The following CREB5 variants were observed in gnomAD, a reference collection of about 807,000 sequenced individuals.
CREB5 encodes the protein cAMP responsive element binding protein 5, also known as cyclic AMP-responsive element-binding protein 5.
In CREB5, 19 loss-of-function variants were observed where a neutral mutation model predicts 57.1. That is an observed-to-expected ratio of 0.33 (90% CI 0.23 to 0.49). CREB5 has a LOEUF of 0.49. CREB5 is among the 20% of genes least tolerant of loss of function. The pLI, the probability that CREB5 is intolerant of heterozygous loss-of-function variation, is 0.99. For missense variants in CREB5, 579 were observed against 671.6 expected (o/e 0.86, Z 1.52); for synonymous variants, 238 against 238.3 (o/e 1.00, Z 0.01).
In CREB5 at chr7:28,809,226, A is replaced by G; in HGVS notation, c.1066A>G (p.Ile356Val). The stretch of plus-strand genomic sequence containing the variant: ...ACAACAGATGCAGCCAACCCAGACA[A>G]TACAGCCACCCCAGCCCACAGGGGG... Reference protein sequence around the residue: ...ATQQMQPTQTIQPPQPTGGRR... With the variant: ...ATQQMQPTQTVQPPQPTGGRR... The change falls in exon 9 of 11, where the codon ATA becomes GTA. Residue 356 changes from isoleucine to valine, a missense_variant. Around this residue, in one of 3 missense-constraint regions of CREB5, gnomAD observed 459 missense variants for 515.7 expected, o/e 0.89. Transcript: ENST00000357727. The G allele has an allele frequency of 1.2e-6, 2 of 1,614,070 alleles. No homozygotes were observed. The highest frequency in any genetic ancestry group is 1.7e-6 in the Non-Finnish European group (2 of 1,179,976).
chr7:28,367,181 C>T (rs967342443), intron 1 of CREB5, among the ~76,000 whole-genome samples: 1 of 125,962 alleles, frequency 7.9e-6, no homozygotes, highest in African/African-American at 2.7e-5. Flanking sequence ...CCTGGGTCCC[C>T]ATCCATCTCC....
chr7:28,726,515 A>G (rs1301041197), intron 7 of CREB5, among the ~76,000 whole-genome samples: 1 of 152,132 alleles, frequency 6.6e-6, no homozygotes, highest in East Asian at 1.9e-4. Context: ...TACGAAATAC[A>G]AAGTAGTGAA....
intron 5 of CREB5, among the ~76,000 whole-genome samples, chr7:28,685,694 T>A (rs879454630): frequency 5.3e-4 from 81 of 151,638 alleles, no homozygotes; most frequent in Non-Finnish European, 9.7e-4. Context: ...AACCAGTATT[T>A]TTTTTTTGTT....
rs1292776759 is a variant in CREB5, at chr7:28,823,340, A to ATATT, written c.*4066_*4069dup. 1 of 152,660 alleles carries ATATT rather than the reference A, an allele frequency of 6.6e-6. No individual in the cohort carries two copies. The highest frequency in any genetic ancestry group is 1.5e-5 in the Non-Finnish European group (1 of 68,042). The allele number at this position is 152,660 out of a possible 1,614,324, so 9.5% of individuals were successfully genotyped here. On this transcript the variant is annotated 3_prime_UTR_variant, in exon 11 of 11. Coordinates refer to ENST00000357727, the MANE Select transcript of CREB5 (RefSeq NM_182898.4). ...ATCTATTAATTTAGAATTTTATAAG[A>ATATT]TATTTATTAATAAATGTTATTTTTA...
intron 1 of CREB5, among the ~76,000 whole-genome samples, chr7:28,441,362 C>G (rs562801172): frequency 1.3e-5 from 2 of 152,310 alleles, no homozygotes; most frequent in South Asian, 4.1e-4. Context: ...TCTGGTGGCT[C>G]TCCACATGGA....
chr7:28,598,891 T>A (rs1167557422), intron 5 of CREB5, among the ~76,000 whole-genome samples: 1 of 152,240 alleles, frequency 6.6e-6, no homozygotes, highest in Non-Finnish European at 1.5e-5. Context: ...CTTTCATTTT[T>A]AAACAAGGGA....
At chr7:28,408,391 T>C (rs992183470), upstream of CREB5, among the ~76,000 whole-genome samples, 2 of 152,300 alleles carry the variant, frequency 1.3e-5, no homozygotes, top group East Asian at 1.9e-4. Flanking sequence ...AAGGGAGAAC[T>C]TCTGAAAGGA....
intron 7 of CREB5, among the ~76,000 whole-genome samples, chr7:28,743,862 T>TA (rs1554294513): frequency 3.6e-5 from 5 of 137,474 alleles, no homozygotes; most frequent in Admixed American, 7.4e-5. Context: ...TTTTTTTTTT[T>TA]ATTATACTCT....
At chr7:28,404,193 A>G (rs1787531416) in intron 1 of CREB5, among the ~76,000 whole-genome samples, 1 of 152,180 alleles carries the variant, frequency 6.6e-6, no homozygotes, top group African/African-American at 2.4e-5. Context: ...AAAAAGAACT[A>G]TGGGCCGCCC....
intron 4 of CREB5, chr7:28,513,521 C>T (rs1356730825): frequency 6.6e-6 from 1 of 151,210 alleles, no homozygotes; most frequent in Non-Finnish European, 1.5e-5. Context: ...CCTCTTTCTT[C>T]CACCACCCCA....
intron 5 of CREB5, among the ~76,000 whole-genome samples, chr7:28,590,004 C>G (rs1439810142): frequency 1.3e-5 from 2 of 152,124 alleles, no homozygotes; most frequent in East Asian, 3.9e-4. Flanking sequence ...ATCATAAAAC[C>G]CAAACTGAAA....
chr7:28,790,558 A>T (rs1807640538), intron 7 of CREB5, among the ~76,000 whole-genome samples: 1 of 152,232 alleles, frequency 6.6e-6, no homozygotes, highest in Non-Finnish European at 1.5e-5. Flanking sequence ...CAGTACCAAG[A>T]AAAACAATCC....
chr7:28,545,177 A>C (rs138639606), intron 4 of CREB5, among the ~76,000 whole-genome samples: 24 of 152,340 alleles, frequency 1.6e-4, no homozygotes, highest in African/African-American at 5.8e-4. Flanking sequence ...TAAAAATAAA[A>C]TCTAAGAATT....
At chr7:28,392,255 G>T (rs930161964) in intron 1 of CREB5, among the ~76,000 whole-genome samples, 1 of 152,002 alleles carries the variant, frequency 6.6e-6, no homozygotes, top group Non-Finnish European at 1.5e-5. Flanking sequence ...AACCTGCACA[G>T]GTACCCCTGA....
At chr7:28,677,442 G>A (rs886528118) in intron 5 of CREB5, among the ~76,000 whole-genome samples, 1 of 152,186 alleles carries the variant, frequency 6.6e-6, no homozygotes, top group African/African-American at 2.4e-5. Flanking sequence ...ACTGACTGAT[G>A]TTTGCTGGTT....
intron 1 of CREB5, among the ~76,000 whole-genome samples, chr7:28,351,470 C>T (rs191217289): frequency 6.6e-6 from 1 of 152,286 alleles, no homozygotes; most frequent in African/African-American, 2.4e-5. Flanking sequence ...ATCAGACTGT[C>T]TCTTGTGTTC....
intron 1 of CREB5, among the ~76,000 whole-genome samples, chr7:28,372,811 A>G (rs1421526051): frequency 6.6e-6 from 1 of 152,188 alleles, no homozygotes; most frequent in Non-Finnish European, 1.5e-5. Flanking sequence ...CCTATTATCA[A>G]ACTGAGGACC....
chr7:28,791,852 T>C (rs2128791812), intron 7 of CREB5, among the ~76,000 whole-genome samples: 1 of 152,342 alleles, frequency 6.6e-6, no homozygotes, highest in Non-Finnish European at 1.5e-5. Flanking sequence ...TTTAAGGAGA[T>C]GGTTCCACAC....
chr7:28,555,521 G>A (rs12112001), intron 4 of CREB5, among the ~76,000 whole-genome samples: 4,884 of 152,256 alleles, frequency 0.032, 306 homozygotes, highest in African/African-American at 0.11. Context: ...TTTGAAAACT[G>A]TTTCATAAAG....
Sources: gnomAD v4.1 joint callset for allele counts (sites outside exome capture counted in the v4.1 genomes callset) on GRCh38, gnomAD v4.1.1 for gene constraint, gnomAD v4.1.1 regional missense constraint, MANE v1.5 for transcripts, NCBI Gene and HGNC (gene_info 2026-07-23, HGNC 2026-07-21) for gene names.